ZNF454: variants seen among roughly 807,000 people sequenced by gnomAD.
The protein encoded by ZNF454 is zinc finger protein 454.
Under a neutral mutation model 48.2 loss-of-function variants are expected in ZNF454, and 30 were observed. That is an observed-to-expected ratio of 0.62 (90% confidence interval 0.47 to 0.84). ZNF454 has a LOEUF of 0.84. ZNF454 is among the 40% of genes least tolerant of loss of function. ZNF454 has a pLI of 0.00. For synonymous variants in ZNF454, 204 were observed against 211.4 expected (o/e 0.97, Z 0.30); for missense variants, 510 against 623.1 (o/e 0.82, Z 1.93).
At position 178,944,538 on chromosome 5, in the gene ZNF454, A is replaced by G. The variant is rs142848937; in HGVS notation, c.33+1714A>G. Among the ~76,000 whole-genome samples, 27 of 152,336 alleles carry G rather than the reference A, an allele frequency of 1.8e-4. No individual in the cohort carries two copies. Among genetic ancestry groups the G allele is most frequent in the Non-Finnish European group, 3.2e-4 (22 of 68,022 alleles). ...CAAATTGGTTCATGGCTTCCATCCAAGTGTTTCTTGACTGCCTGTCATGGG... is the reference window on the plus strand; with the variant it reads ...CAAATTGGTTCATGGCTTCCATCCAGGTGTTTCTTGACTGCCTGTCATGGG... On this transcript the variant is annotated intron_variant, in intron 2 of 4. Transcript: ENST00000519564. This position sits in a 1 kb window ranked among gnomAD's most constrained non-coding sequence, Gnocchi z 4.1.
downstream of ZNF454, among the ~76,000 whole-genome samples, chr5:178,968,011 T>G (rs936568212): frequency 2.0e-5 from 3 of 151,908 alleles, no homozygotes; most frequent in Non-Finnish European, 4.4e-5. Context: ...GGTGCTGGGA[T>G]TACAGGCATG....
At chr5:178,960,357 A>AAGCGATTCTCC (rs1759962129) in intron 4 of ZNF454, among the ~76,000 whole-genome samples, 1 of 151,310 alleles carries the variant, frequency 6.6e-6, no homozygotes, top group Non-Finnish European at 1.5e-5. Context: ...TCCCCGGTTC[A>AAGCGATTCTCC]AGCGATTCTC....
At chr5:178,973,133 C>T in the ZNF454 span, among the ~76,000 whole-genome samples, 1 of 150,920 alleles carries the variant, frequency 6.6e-6, no homozygotes, top group Non-Finnish European at 1.5e-5. Flanking sequence ...CTGTCTCTGT[C>T]CCTCTCTCTC....
At chr5:178,973,680 A>T in the ZNF454 span, among the ~76,000 whole-genome samples, 1 of 152,002 alleles carries the variant, frequency 6.6e-6, no homozygotes, top group Admixed American at 6.6e-5. Context: ...CGTCTCTACT[A>T]AAAAATACAA....
At position 178,965,589 on chromosome 5, in the gene ZNF454, T is replaced by C. The variant is rs1329883349; in HGVS notation, c.1185T>C (p.Asp395=). The C allele has an allele frequency of 1.2e-6, 2 of 1,613,776 alleles. No homozygotes were observed. Among genetic ancestry groups the C allele is most frequent in the African/African-American group, 2.7e-5 (2 of 74,858 alleles). Residue 395 remains aspartate, a synonymous_variant, in exon 5 of 5, where the codon GAT becomes GAC. Transcript: ENST00000519564. This position sits in a 1 kb window ranked among gnomAD's most constrained non-coding sequence, Gnocchi z 5.2. ...ATGAATGTGGGAAAGCTTTCAGGGA[T>C]AATTCATCCTTTGCACGACATCGGA... ...KCNECGKAFR[D]NSSFARHRKI...
intron 4 of ZNF454, among the ~76,000 whole-genome samples, chr5:178,949,445 G>A (rs570657099): frequency 6.6e-6 from 1 of 152,126 alleles, no homozygotes; most frequent in South Asian, 2.1e-4. Context: ...TTAAAAAATA[G>A]ATCTATTTTG....
the ZNF454 span, among the ~76,000 whole-genome samples, chr5:178,985,439 C>T: frequency 1.4e-4 from 22 of 151,728 alleles, no homozygotes; most frequent in Non-Finnish European, 3.2e-4. Context: ...CGCAGCGGCT[C>T]CCGCCTGTCA....
At chr5:178,981,530 G>T in the ZNF454 span, 1 of 711,284 alleles carries the variant, frequency 1.4e-6, no homozygotes, top group Non-Finnish European at 2.4e-6. This position sits in a 1 kb window ranked among gnomAD's most constrained non-coding sequence, Gnocchi z 5.1. Context: ...CCACCGACGC[G>T]GAGCATGGTC....
chr5:178,987,921 A>ACACCTG, the ZNF454 span, among the ~76,000 whole-genome samples: 135,834 of 143,668 alleles, frequency 0.95, 64,745 homozygotes, highest in South Asian at 1. Flanking sequence ...CGCCATGCCC[A>ACACCTG]GCTAATTTTT....
chr5:178,985,340 G>A, the ZNF454 span: 2 of 443,716 alleles, frequency 4.5e-6, no homozygotes, highest in Non-Finnish European at 4.5e-6. Flanking sequence ...GACCCAGCAG[G>A]GGAGATGGCG....
Position 178,965,385 on chromosome 5 carries a change from C to G in ZNF454, c.981C>G (p.Pro327=), listed in dbSNP as rs780287959. 4 of 1,614,088 alleles carry G rather than the reference C, an allele frequency of 2.5e-6. No homozygotes were observed. The Admixed American group carries it at 6.7e-5, about 27-fold the overall frequency. ...KHQNIHSGEK[P]YKCNECGKAF... ...AGAATATCCACAGTGGAGAGAAACC[C>G]TATAAATGCAATGAATGTGGAAAAG... Residue 327 remains proline (P), a synonymous_variant, in exon 5 of 5, where the codon CCC becomes CCG. Coordinates refer to ENST00000519564, the MANE Select transcript of ZNF454 (RefSeq NM_001178089.3). The surrounding 1 kb of genome is among the most constrained non-coding windows in gnomAD (Gnocchi z 5.2).
the ZNF454 span, chr5:178,989,444 G>C: frequency 1.9e-6 from 3 of 1,613,236 alleles, no homozygotes; most frequent in Non-Finnish European, 2.5e-6. Flanking sequence ...GCGCTGACCT[G>C]AGCCAGCTGT....
chr5:178,970,266 G>A (rs112653955), downstream of ZNF454, among the ~76,000 whole-genome samples: 758 of 152,202 alleles, frequency 5.0e-3, 4 homozygotes, highest in Non-Finnish European at 9.0e-3. Context: ...TGGCTTAGTC[G>A]GCAGTACAAC....
At chr5:178,958,381 A>G (rs928455968) in intron 4 of ZNF454, among the ~76,000 whole-genome samples, 1 of 152,224 alleles carries the variant, frequency 6.6e-6, no homozygotes, top group Non-Finnish European at 1.5e-5. Context: ...CTTGCTTTCA[A>G]CAGTATGTCT....
chr5:178,951,008 T>C (rs1366124442), intron 4 of ZNF454, among the ~76,000 whole-genome samples: 3 of 151,934 alleles, frequency 2.0e-5, no homozygotes, highest in African/African-American at 4.8e-5. Context: ...TACCGGTGCC[T>C]GCCACCACGC....
chr5:178,956,419 A>G (rs1409041446), intron 4 of ZNF454, among the ~76,000 whole-genome samples: 1 of 149,796 alleles, frequency 6.7e-6, no homozygotes, highest in Non-Finnish European at 1.5e-5. Flanking sequence ...GTTCTGGGTA[A>G]GTGGGGCTTC....
At chr5:178,950,292 T>A (rs1456041344) in intron 4 of ZNF454, among the ~76,000 whole-genome samples, 1 of 152,214 alleles carries the variant, frequency 6.6e-6, no homozygotes, top group Non-Finnish European at 1.5e-5. Context: ...TGAGCACCTG[T>A]GGATCAGCAC....
At chr5:178,983,102 A>G in the ZNF454 span, 1 of 1,613,990 alleles carries the variant, frequency 6.2e-7, no homozygotes. Flanking sequence ...TGAGAGACAG[A>G]TCCGACATGT....
the ZNF454 span, chr5:178,982,723 A>C: frequency 5.4e-6 from 3 of 560,206 alleles, no homozygotes; most frequent in East Asian, 2.9e-5. Context: ...GAAGAGTGGA[A>C]GTTAAGAAGA....
Sources: allele counts gnomAD v4.1 joint callset (sites outside exome capture counted in the v4.1 genomes callset), GRCh38; gene constraint gnomAD v4.1.1; non-coding constraint Gnocchi (gnomAD v3.1); transcripts MANE v1.5; gene names NCBI Gene and HGNC (gene_info 2026-07-23, HGNC 2026-07-21).